The following MACROD2 variants were observed in gnomAD, a reference collection of about 807,000 sequenced individuals.
The protein encoded by MACROD2 is ADP-ribose glycohydrolase MACROD2.
In MACROD2, 36 loss-of-function variants were observed where a neutral mutation model predicts 70.4. The observed-to-expected ratio is 0.51, with a 90% CI of 0.39 to 0.68. The LOEUF (loss-of-function observed/expected upper bound fraction) is 0.68. Ranked by LOEUF, MACROD2 falls within the 30% of genes least tolerant of loss-of-function variation. The probability of loss-of-function intolerance (pLI) is 0.00; values close to 1 mark genes in which losing one functional copy is unlikely to be tolerated. For missense variants in MACROD2, 496 were observed against 538.4 expected (o/e 0.92, Z 0.78); for synonymous variants, 172 against 178.8 (o/e 0.96, Z 0.30).
intron 3 of MACROD2, among the ~76,000 whole-genome samples, chr20:14,261,534 CAT>C (rs757595857): frequency 9.9e-5 from 15 of 152,138 alleles, no homozygotes; most frequent in South Asian, 4.1e-4. Flanking sequence ...GTTATCTACA[CAT>C]GTGTGTGTAT....
intron 3 of MACROD2, among the ~76,000 whole-genome samples, chr20:14,165,479 T>TATTTTAAGTGTG (rs1280699394): frequency 6.6e-6 from 1 of 152,202 alleles, no homozygotes; most frequent in Non-Finnish European, 1.5e-5. Context: ...TTAGAGGATC[T>TATTTTAAGTGTG]ATTTTAAGTG....
chr20:14,059,808 A>G lies in MACROD2; in HGVS notation c.164-25813A>G, dbSNP rs78865561. Among the ~76,000 whole-genome samples, 1,240 of 152,318 alleles carry G rather than the reference A, an allele frequency of 8.1e-3. 20 individuals carry two copies. Among genetic ancestry groups the G allele is most frequent in the African/African-American group, 0.027 (1,143 of 41,568 alleles). On this transcript the variant is annotated intron_variant, in intron 2 of 17. Transcript: ENST00000684519. ...GATGAGCAAATAATTTCAGAATGTGATAAGTGCTATAAAGAAGATAAAATG... is the reference window on the plus strand; with the variant it reads ...GATGAGCAAATAATTTCAGAATGTGGTAAGTGCTATAAAGAAGATAAAATG...
intron 6 of MACROD2, among the ~76,000 whole-genome samples, chr20:15,303,724 A>G (rs901025389): frequency 3.3e-5 from 5 of 152,218 alleles, no homozygotes; most frequent in African/African-American, 1.2e-4. Context: ...CTGGCCTTGG[A>G]GAACACTGCC....
chr20:14,481,308 G>A (rs1376916792), intron 3 of MACROD2, among the ~76,000 whole-genome samples: 1 of 152,014 alleles, frequency 6.6e-6, no homozygotes, highest in Non-Finnish European at 1.5e-5. Flanking sequence ...ATTACCTGAA[G>A]TCATACTGAG....
At chr20:14,123,497 C>T (rs565955992) in intron 3 of MACROD2, among the ~76,000 whole-genome samples, 1 of 152,270 alleles carries the variant, frequency 6.6e-6, no homozygotes, top group Admixed American at 6.5e-5. Context: ...TTCACCTGGT[C>T]ACCTAGGCCC....
intron 7 of MACROD2, among the ~76,000 whole-genome samples, chr20:15,492,571 A>C (rs1427865799): frequency 5.9e-5 from 9 of 152,194 alleles, no homozygotes; most frequent in Admixed American, 4.6e-4. Context: ...TTATCAAGCA[A>C]AGTGTAATTT....
At chr20:14,863,537 C>G (rs1273345199) in intron 5 of MACROD2, among the ~76,000 whole-genome samples, 1 of 151,894 alleles carries the variant, frequency 6.6e-6, no homozygotes, top group East Asian at 1.9e-4. Context: ...GCATATTGAA[C>G]AGGAAGTGAA....
intron 8 of MACROD2, among the ~76,000 whole-genome samples, chr20:15,671,014 A>C (rs2049972808): frequency 6.6e-6 from 1 of 152,238 alleles, no homozygotes; most frequent in South Asian, 2.1e-4. Context: ...AATCACTTAA[A>C]ACAGTAACAA....
chr20:15,851,893 T>C (rs1310524629), intron 8 of MACROD2, among the ~76,000 whole-genome samples: 2 of 152,146 alleles, frequency 1.3e-5, no homozygotes, highest in Non-Finnish European at 2.9e-5. Context: ...ATGTGCATTG[T>C]CCTGAAGGGA....
intron 5 of MACROD2, among the ~76,000 whole-genome samples, chr20:14,960,119 T>C (rs1313746598): frequency 6.6e-6 from 1 of 152,228 alleles, no homozygotes; most frequent in Non-Finnish European, 1.5e-5. Context: ...ATTCCTTATA[T>C]TCCTGATTCA....
intron 8 of MACROD2, among the ~76,000 whole-genome samples, chr20:15,646,206 T>G (rs1185735835): frequency 6.6e-6 from 1 of 152,188 alleles, no homozygotes; most frequent in Non-Finnish European, 1.5e-5. Flanking sequence ...AGGTATTAAT[T>G]CACAGCAAAA....
intron 3 of MACROD2, among the ~76,000 whole-genome samples, chr20:14,275,334 G>A (rs944228394): frequency 7.9e-5 from 12 of 152,044 alleles, no homozygotes; most frequent in South Asian, 2.1e-4. Flanking sequence ...TCGCATATCT[G>A]CAAGTATCTG....
chr20:14,527,366 T>C (rs193210820), intron 4 of MACROD2, among the ~76,000 whole-genome samples: 1 of 152,248 alleles, frequency 6.6e-6, no homozygotes, highest in East Asian at 1.9e-4. Flanking sequence ...CCTAGGTCCA[T>C]ACGGGTGGAA....
intron 3 of MACROD2, among the ~76,000 whole-genome samples, chr20:14,117,526 A>C (rs1309927181): frequency 6.6e-6 from 1 of 152,140 alleles, no homozygotes; most frequent in African/African-American, 2.4e-5. Context: ...GTAGAAACTG[A>C]CCTTCTAGAG....
At chr20:15,774,162 G>C (rs987663853) in intron 8 of MACROD2, among the ~76,000 whole-genome samples, 1 of 152,072 alleles carries the variant, frequency 6.6e-6, no homozygotes, top group Admixed American at 6.5e-5. Flanking sequence ...CACTTGTTTT[G>C]AAACTTGCTT....
At chr20:15,135,314 A>T (rs1039597967) in intron 5 of MACROD2, among the ~76,000 whole-genome samples, 2 of 151,818 alleles carry the variant, frequency 1.3e-5, no homozygotes, top group African/African-American at 2.4e-5. Flanking sequence ...AAAAATCCTC[A>T]ATAAAATACT....
At chr20:14,841,483 T>C (rs6042947) in intron 5 of MACROD2, among the ~76,000 whole-genome samples, 2,446 of 152,048 alleles carry the variant, frequency 0.016, 74 homozygotes, top group African/African-American at 0.055. Context: ...TAGCTTACAG[T>C]GTTGGAGACT....
intron 6 of MACROD2, among the ~76,000 whole-genome samples, chr20:15,277,486 G>A (rs111315748): frequency 0.021 from 3,236 of 152,272 alleles, 106 homozygotes; most frequent in African/African-American, 0.072. Flanking sequence ...TAAATAGGTT[G>A]CTATAACCTG....
chr20:15,830,470 C>T (rs1401451556), intron 8 of MACROD2, among the ~76,000 whole-genome samples: 2 of 152,114 alleles, frequency 1.3e-5, no homozygotes, highest in African/African-American at 4.8e-5. Flanking sequence ...TAATATGGAT[C>T]CCTGAGGAGT....
Sources: gnomAD v4.1 joint callset for allele counts (sites outside exome capture counted in the v4.1 genomes callset) on GRCh38, gnomAD v4.1.1 for gene constraint, MANE v1.5 for transcripts, NCBI Gene and HGNC (gene_info 2026-07-23, HGNC 2026-07-21) for gene names.